ARHGAP15: variants seen among roughly 807,000 people sequenced by gnomAD.
ARHGAP15 encodes the protein rho GTPase-activating protein 15.
In ARHGAP15, 51 loss-of-function variants were observed where a neutral mutation model predicts 63.7. That is an observed-to-expected ratio of 0.80 (90% confidence interval 0.64 to 1.01). The LOEUF (loss-of-function observed/expected upper bound fraction) is 1.01, where lower values mean the gene tolerates loss of function less well. Ranked by LOEUF, ARHGAP15 falls within the 50% of genes least tolerant of loss-of-function variation. The pLI is 0.00. For missense variants in ARHGAP15, 560 were observed against 564.6 expected, an observed-to-expected ratio of 0.99 and a Z score of 0.08; for synonymous variants, 191 against 193.8, an observed-to-expected ratio of 0.99 and a Z score of 0.12.
At chr2:143,251,725 A>G (rs1464043066) in intron 6 of ARHGAP15, among the ~76,000 whole-genome samples, 1 of 152,036 alleles carries the variant, frequency 6.6e-6, no homozygotes, top group Non-Finnish European at 1.5e-5. Flanking sequence ...AAAATTTAAA[A>G]AGGAAGGAAG....
chr2:143,200,450 T>G (rs1479160486), intron 2 of ARHGAP15, among the ~76,000 whole-genome samples: 1 of 151,984 alleles, frequency 6.6e-6, no homozygotes, highest in African/African-American at 2.4e-5. Flanking sequence ...GTCAGTTGTA[T>G]GTGCCAGTAA....
intron 5 of ARHGAP15, among the ~76,000 whole-genome samples, chr2:143,242,497 A>T (rs1047740743): frequency 2.0e-5 from 3 of 152,240 alleles, no homozygotes. Context: ...ATTCAGAAAC[A>T]AATACAATAG....
intron 13 of ARHGAP15, among the ~76,000 whole-genome samples, chr2:143,718,550 A>G (rs891268059): frequency 3.9e-5 from 6 of 152,192 alleles, no homozygotes; most frequent in African/African-American, 1.2e-4. Flanking sequence ...TTTACACTAC[A>G]TTATTGCCCT....
intron 6 of ARHGAP15, among the ~76,000 whole-genome samples, chr2:143,416,726 G>A (rs7572273): frequency 0.88 from 133,290 of 151,996 alleles, 59,055 homozygotes; most frequent in Middle Eastern, 0.97. Flanking sequence ...GCACAGCAAC[G>A]CAAACACAGT....
At chr2:143,359,537 C>T (rs1685951021) in intron 6 of ARHGAP15, among the ~76,000 whole-genome samples, 1 of 152,090 alleles carries the variant, frequency 6.6e-6, no homozygotes, top group South Asian at 2.1e-4. Context: ...CTCAATATGT[C>T]CTTTTCTGGT....
chr2:143,405,331 T>G (rs370305369), intron 6 of ARHGAP15, among the ~76,000 whole-genome samples: 1 of 151,984 alleles, frequency 6.6e-6, no homozygotes, highest in East Asian at 1.9e-4. Flanking sequence ...TAATCAAATT[T>G]TGCTTATCAT....
intron 6 of ARHGAP15, among the ~76,000 whole-genome samples, chr2:143,362,218 T>C (rs1228497091): frequency 6.6e-6 from 1 of 152,210 alleles, no homozygotes; most frequent in Non-Finnish European, 1.5e-5. Flanking sequence ...TACATCAGCG[T>C]AAAATTGTCT....
At chr2:143,426,728 A>G (rs1689151933) in intron 6 of ARHGAP15, among the ~76,000 whole-genome samples, 1 of 152,164 alleles carries the variant, frequency 6.6e-6, no homozygotes, top group Admixed American at 6.6e-5. Context: ...CCAAGATCAC[A>G]GAGAATCTAT....
intron 13 of ARHGAP15, among the ~76,000 whole-genome samples, chr2:143,762,970 A>G (rs1019641031): frequency 1.6e-4 from 25 of 152,256 alleles, no homozygotes; most frequent in Admixed American, 1.3e-3. Context: ...CTTGAAGTAC[A>G]CCTGACTGTT....
At chr2:143,335,030 A>G (rs1410005683) in intron 6 of ARHGAP15, among the ~76,000 whole-genome samples, 2 of 152,230 alleles carry the variant, frequency 1.3e-5, no homozygotes, top group Non-Finnish European at 2.9e-5. Context: ...ACTCACGATC[A>G]AAGGAATTTG....
At chr2:143,380,144 A>G (rs1169824594) in intron 6 of ARHGAP15, among the ~76,000 whole-genome samples, 1 of 152,130 alleles carries the variant, frequency 6.6e-6, no homozygotes, top group Non-Finnish European at 1.5e-5. Flanking sequence ...AAAGCAGATT[A>G]ATGAGTTCTA....
At chr2:143,399,693 C>T (rs1293426320) in intron 6 of ARHGAP15, among the ~76,000 whole-genome samples, 1 of 151,952 alleles carries the variant, frequency 6.6e-6, no homozygotes, top group South Asian at 2.1e-4. Context: ...TTCCTACAGT[C>T]GTTCACAGAG....
At chr2:143,308,612 G>T (rs76000295) in intron 6 of ARHGAP15, among the ~76,000 whole-genome samples, 1 of 151,974 alleles carries the variant, frequency 6.6e-6, no homozygotes, top group Non-Finnish European at 1.5e-5. Context: ...TTTTAAGCAA[G>T]AATATGATAG....
At chr2:143,139,162 G>T in intron 1 of ARHGAP15, among the ~76,000 whole-genome samples, 1 of 151,992 alleles carries the variant, frequency 6.6e-6, no homozygotes, top group Non-Finnish European at 1.5e-5. Context: ...TATCCCATCA[G>T]CAGGTTAAAC....
chr2:143,600,792 C>G (rs1414302987), intron 11 of ARHGAP15, among the ~76,000 whole-genome samples: 1 of 152,116 alleles, frequency 6.6e-6, no homozygotes, highest in Non-Finnish European at 1.5e-5. Context: ...GGTGAACTCT[C>G]AGTTGATTTT....
chr2:143,287,306 T>C (rs186878635), intron 6 of ARHGAP15, among the ~76,000 whole-genome samples: 15 of 152,288 alleles, frequency 9.8e-5, no homozygotes, highest in Admixed American at 6.5e-5. Flanking sequence ...AATTATCTGT[T>C]CTCGTACTAC....
intron 9 of ARHGAP15, among the ~76,000 whole-genome samples, chr2:143,508,739 C>T (rs1307186165): frequency 2.0e-5 from 3 of 152,032 alleles, no homozygotes; most frequent in Non-Finnish European, 4.4e-5. Context: ...CACAGTGTCC[C>T]ATTTGGTTAA....
chr2:143,390,247 G>A (rs969659148), intron 6 of ARHGAP15, among the ~76,000 whole-genome samples: 4 of 152,106 alleles, frequency 2.6e-5, no homozygotes, highest in Non-Finnish European at 4.4e-5. Flanking sequence ...TTACATGGCT[G>A]GTTGCAGCCT....
intron 6 of ARHGAP15, among the ~76,000 whole-genome samples, chr2:143,251,138 A>G (rs1680140484): frequency 6.6e-6 from 1 of 152,124 alleles, no homozygotes; most frequent in Non-Finnish European, 1.5e-5. Context: ...TTGAATGGCA[A>G]GAACCAGATG....
Sources: gnomAD v4.1 joint callset for allele counts (sites outside exome capture counted in the v4.1 genomes callset) on GRCh38, gnomAD v4.1.1 for gene constraint, MANE v1.5 for transcripts, NCBI Gene and HGNC (gene_info 2026-07-23, HGNC 2026-07-21) for gene names.